ITPR1: variants seen among roughly 807,000 people sequenced by gnomAD.
ITPR1 encodes inositol 1,4,5-trisphosphate receptor type 1.
Under a neutral mutation model 318.4 loss-of-function variants are expected in ITPR1, and 96 were observed. That is an observed-to-expected ratio of 0.30 (90% CI 0.26 to 0.36). The LOEUF (loss-of-function observed/expected upper bound fraction) is 0.36, where lower values mean the gene tolerates loss of function less well. Ranked by LOEUF, ITPR1 falls within the 10% of genes least tolerant of loss-of-function variation. The probability of loss-of-function intolerance (pLI) is 1.00; values close to 1 mark genes in which losing one functional copy is unlikely to be tolerated. For synonymous variants in ITPR1, 1,312 were observed against 1,289.9 expected (o/e 1.02, Z -0.37); for missense variants, 2,440 against 3,460.2 (o/e 0.71, Z 7.40).
At chr3:4,833,279 TGCTATTA>T (rs1397474184) in intron 60 of ITPR1, among the ~76,000 whole-genome samples, 4 of 152,220 alleles carry the variant, frequency 2.6e-5, no homozygotes, top group Admixed American at 2.6e-4. Context: ...TTTGGTCACT[TGCTATTA>T]GGAATGAGGG....
chr3:4,804,875 T>G (rs1017397539), intron 54 of ITPR1, among the ~76,000 whole-genome samples: 2 of 152,142 alleles, frequency 1.3e-5, no homozygotes, highest in African/African-American at 4.8e-5. Context: ...CCTACCAGAT[T>G]AACTGGCAGT....
chr3:4,658,585 G>C (rs571067892), intron 13 of ITPR1, among the ~76,000 whole-genome samples: 9 of 150,530 alleles, frequency 6.0e-5, no homozygotes, highest in African/African-American at 2.2e-4. Flanking sequence ...GAGAGCTCTT[G>C]GTTTGGGGAA....
intron 44 of ITPR1, among the ~76,000 whole-genome samples, chr3:4,757,420 C>CT (rs896943827): frequency 7.9e-5 from 12 of 152,118 alleles, no homozygotes; most frequent in African/African-American, 9.7e-5. Flanking sequence ...TGCCACTATT[C>CT]TTTACTGTGA....
At chr3:4,514,282 G>A (rs1438527778) in intron 2 of ITPR1, among the ~76,000 whole-genome samples, 2 of 152,154 alleles carry the variant, frequency 1.3e-5, no homozygotes, top group African/African-American at 2.4e-5. Context: ...AAAGCACTCA[G>A]CACAATGGTG....
chr3:4,557,219 C>T (rs1211081045), intron 4 of ITPR1, among the ~76,000 whole-genome samples: 1 of 152,156 alleles, frequency 6.6e-6, no homozygotes, highest in African/African-American at 2.4e-5. Context: ...GCTTCACAAT[C>T]ATGGCTGAAG....
chr3:4,733,356 T>G, intron 43 of ITPR1, 136 bp downstream of exon 43: 1 of 1,017,954 alleles, frequency 9.8e-7, no homozygotes, highest in Non-Finnish European at 1.4e-6. Flanking sequence ...CAACTTGTTT[T>G]GTCTTTGGTC....
intron 12 of ITPR1, among the ~76,000 whole-genome samples, chr3:4,657,062 C>T (rs1486235074): frequency 4.6e-5 from 7 of 152,212 alleles, no homozygotes; most frequent in African/African-American, 1.4e-4. Flanking sequence ...AGATTTTCTT[C>T]GCTCTCAGCC....
intron 46 of ITPR1, among the ~76,000 whole-genome samples, 190 bp downstream of exon 46, chr3:4,768,954 G>A (rs1409146711): frequency 6.6e-6 from 1 of 150,440 alleles, no homozygotes; most frequent in Non-Finnish European, 1.5e-5. Flanking sequence ...CTGTCACCCA[G>A]GCTGGAGTAC....
At chr3:4,504,963 CTT>C (rs34078002) in intron 2 of ITPR1, among the ~76,000 whole-genome samples, 1 of 145,838 alleles carries the variant, frequency 6.9e-6, no homozygotes, top group South Asian at 2.2e-4. Context: ...GGGCATACTC[CTT>C]TTTTTTTTTT....
At chr3:4,697,791 A>G (rs910164382) in intron 34 of ITPR1, among the ~76,000 whole-genome samples, 1 of 152,036 alleles carries the variant, frequency 6.6e-6, no homozygotes, top group African/African-American at 2.4e-5. Flanking sequence ...AATGGATGTT[A>G]TTTATCAATC....
chr3:4,758,129 A>G (rs760544851), intron 44 of ITPR1, among the ~76,000 whole-genome samples: 18 of 152,326 alleles, frequency 1.2e-4, no homozygotes, highest in Non-Finnish European at 1.9e-4. Context: ...TGCAGCAGGT[A>G]AGTGAGCAGC....
At chr3:4,782,793 A>G in intron 50 of ITPR1, 52 bp downstream of exon 50, 5 of 1,404,562 alleles carry the variant, frequency 3.6e-6, no homozygotes, top group Non-Finnish European at 4.7e-6. Flanking sequence ...CAGGTCCAAA[A>G]TTCCGAGCTG....
rs2051782407 is a variant in ITPR1 at position 4,846,387 on chromosome 3, G to A, written c.*162G>A. ...ATATGATTGCTACTCTAAAGGTTTG[G>A]ATATATGTATTGTAATTAGAATTGT... On this transcript the variant is annotated 3_prime_UTR_variant, in exon 62 of 62. Transcript: ENST00000649015. The A allele has an allele frequency of 2.4e-6, 1 of 425,270 alleles. No homozygotes were observed. Among genetic ancestry groups the A allele is most frequent in the African/African-American group, 2.0e-5 (1 of 49,066 alleles). 26.3% of individuals were successfully genotyped at this position (425,270 alleles called of 1,614,324 possible). A position where few individuals can be genotyped will look rare whatever the true frequency, so the allele number is the denominator to read the frequency against.
intron 7 of ITPR1, among the ~76,000 whole-genome samples, chr3:4,643,908 A>G (rs956401959): frequency 2.6e-5 from 4 of 151,652 alleles, no homozygotes; most frequent in Non-Finnish European, 4.4e-5. Flanking sequence ...TCTCTGTATA[A>G]TCAGTGACAC....
chr3:4,712,553 C>T (rs371517098), intron 39 of ITPR1, among the ~76,000 whole-genome samples: 19 of 152,302 alleles, frequency 1.2e-4, no homozygotes, highest in Admixed American at 7.8e-4. Flanking sequence ...TGTTCAGTAA[C>T]GGTCAGCTAG....
intron 5 of ITPR1, among the ~76,000 whole-genome samples, chr3:4,635,127 G>A (rs1575823331): frequency 6.6e-6 from 1 of 152,194 alleles, no homozygotes; most frequent in Non-Finnish European, 1.5e-5. Context: ...ATGGGCAGAC[G>A]TTAGGTAGGG....
At chr3:4,663,524 A>G (rs1240830749) in intron 16 of ITPR1, among the ~76,000 whole-genome samples, 1 of 152,210 alleles carries the variant, frequency 6.6e-6, no homozygotes, top group African/African-American at 2.4e-5. Context: ...GGTTCTCAGC[A>G]AGATTGTGCA....
At chr3:4,748,267 A>G (rs529618607) in intron 44 of ITPR1, among the ~76,000 whole-genome samples, 35 of 152,318 alleles carry the variant, frequency 2.3e-4, no homozygotes, top group African/African-American at 7.9e-4. Flanking sequence ...TGAGGGAGCT[A>G]TTCAGTGCCC....
chr3:4,537,566 G>A (rs2083988561), intron 4 of ITPR1, among the ~76,000 whole-genome samples: 1 of 152,226 alleles, frequency 6.6e-6, no homozygotes, highest in South Asian at 2.1e-4. Context: ...TTGAGATGGG[G>A]AGAGTATCCT....
Sources: gnomAD v4.1 joint callset for allele counts (sites outside exome capture counted in the v4.1 genomes callset) on GRCh38, gnomAD v4.1.1 for gene constraint, MANE v1.5 for transcripts, NCBI Gene and HGNC (gene_info 2026-07-23, HGNC 2026-07-21) for gene names.